Variants in GALNTL6 observed in about 807,000 individuals in gnomAD.
The protein encoded by GALNTL6 is polypeptide N-acetylgalactosaminyltransferase like 6, also known as polypeptide N-acetylgalactosaminyltransferase-like 6.
Under a neutral mutation model 73.7 loss-of-function variants are expected in GALNTL6, and 46 were observed. The observed-to-expected ratio is 0.62, with a 90% confidence interval of 0.49 to 0.80. GALNTL6 has a LOEUF of 0.80. Ranked by LOEUF, GALNTL6 falls within the 30% of genes least tolerant of loss-of-function variation. The pLI is 0.00. For synonymous variants in GALNTL6, 259 were observed against 263.7 expected (o/e 0.98, Z 0.17); for missense variants, 604 against 755.0 (o/e 0.80, Z 2.34).
rs1010801305 is a variant in GALNTL6 at position 172,345,095 on chromosome 4, T to A, written c.387-3428T>A. The stretch of plus-strand genomic sequence containing the variant: ...CTTAGCACATTATGAAGAGGTATTG[T>A]TTTTTTTTTTTTTTGCTCCCACATT... On this transcript the variant is annotated intron_variant, in intron 4 of 12. Coordinates refer to ENST00000506823, the MANE Select transcript of GALNTL6 (RefSeq NM_001034845.3). 5.9e-5 allele frequency among the ~76,000 whole-genome samples: 3 copies of A among 50,520 alleles called. No individual in the cohort carries two copies. The African/African-American group carries it at 8.8e-4, about 15-fold the overall frequency. The allele number at this position is 50,520 out of a possible 152,430, so 33.1% of individuals were successfully genotyped here.
intron 5 of GALNTL6, among the ~76,000 whole-genome samples, chr4:172,460,117 G>T (rs1732558361): frequency 6.6e-6 from 1 of 152,170 alleles, no homozygotes; most frequent in African/African-American, 2.4e-5. Flanking sequence ...CAAGCAATGG[G>T]TTAAGGATTC....
At chr4:172,159,399 C>A (rs1333654487) in intron 2 of GALNTL6, among the ~76,000 whole-genome samples, 1 of 152,070 alleles carries the variant, frequency 6.6e-6, no homozygotes, top group Non-Finnish European at 1.5e-5. Context: ...CACACAATTA[C>A]AAAGATGTAT....
intron 5 of GALNTL6, among the ~76,000 whole-genome samples, chr4:172,442,100 T>C (rs1347380345): frequency 2.0e-5 from 3 of 152,178 alleles, no homozygotes; most frequent in African/African-American, 7.2e-5. Flanking sequence ...CAAGGTTATG[T>C]GTTCATCAGT....
At chr4:172,138,621 C>T (rs756899949) in intron 2 of GALNTL6, among the ~76,000 whole-genome samples, 2 of 141,684 alleles carry the variant, frequency 1.4e-5, no homozygotes, top group Non-Finnish European at 3.0e-5. Flanking sequence ...GCTCCACCTC[C>T]CGGGTTCACG....
In GALNTL6 at chr4:171,919,735, G is replaced by A. The variant is rs563601870; in HGVS notation, c.138+105017G>A. On this transcript the variant is annotated intron_variant, in intron 2 of 12. Transcript: ENST00000506823. ...AGAAGTAGTTATTACTCTTGGTAGG[G>A]CGCTCAGCAGAGAAGCAACCACCTC... Among the ~76,000 whole-genome samples the A allele has an allele frequency of 3.3e-5, 5 of 152,140 alleles. No individual in the cohort carries two copies. The South Asian group carries it at 1.0e-3, about 32-fold the overall frequency.
chr4:171,907,818 C>T (rs1310932101), intron 2 of GALNTL6, among the ~76,000 whole-genome samples: 1 of 151,716 alleles, frequency 6.6e-6, no homozygotes, highest in Non-Finnish European at 1.5e-5. Flanking sequence ...TGGAACAGAA[C>T]AGAGCCCTCA....
At chr4:172,261,120 T>C (rs1171997302) in intron 3 of GALNTL6, among the ~76,000 whole-genome samples, 1 of 151,460 alleles carries the variant, frequency 6.6e-6, no homozygotes, top group Non-Finnish European at 1.5e-5. Flanking sequence ...ACTTGCTTCA[T>C]ATAATGAATT....
chr4:172,192,773 G>C (rs75416503), intron 2 of GALNTL6, among the ~76,000 whole-genome samples: 64 of 152,282 alleles, frequency 4.2e-4, no homozygotes, highest in African/African-American at 1.1e-3. Flanking sequence ...GCAACCAGCG[G>C]CAGCAGGCTG....
intron 5 of GALNTL6, among the ~76,000 whole-genome samples, chr4:172,736,804 C>A (rs1444728617): frequency 6.6e-6 from 1 of 152,208 alleles, no homozygotes; most frequent in Non-Finnish European, 1.5e-5. Flanking sequence ...GCTGGTCCCT[C>A]CATTCGGGGT....
intron 2 of GALNTL6, among the ~76,000 whole-genome samples, chr4:171,918,436 G>A (rs1337351050): frequency 1.3e-5 from 2 of 151,966 alleles, no homozygotes; most frequent in African/African-American, 2.4e-5. Flanking sequence ...ATCTCATAAC[G>A]CAAAAGAGTA....
At chr4:171,853,816 T>G (rs975349762) in intron 2 of GALNTL6, among the ~76,000 whole-genome samples, 15 of 151,962 alleles carry the variant, frequency 9.9e-5, no homozygotes, top group African/African-American at 3.6e-4. Context: ...TTCACCATGT[T>G]GGCCAGGCTG....
intron 5 of GALNTL6, among the ~76,000 whole-genome samples, chr4:172,531,500 G>T (rs1056596189): frequency 6.6e-6 from 1 of 152,206 alleles, no homozygotes; most frequent in Non-Finnish European, 1.5e-5. Flanking sequence ...TCAGCTGCTG[G>T]ATTGATTCAC....
At chr4:172,945,091 TA>T (rs1201726960) in intron 9 of GALNTL6, among the ~76,000 whole-genome samples, 1 of 149,212 alleles carries the variant, frequency 6.7e-6, no homozygotes, top group Admixed American at 6.7e-5. Flanking sequence ...AAGAATACTA[TA>T]AGAATGAATA....
intron 5 of GALNTL6, among the ~76,000 whole-genome samples, chr4:172,522,665 T>A (rs77757561): frequency 3.4e-5 from 2 of 59,380 alleles, no homozygotes; most frequent in African/African-American, 1.5e-4. Flanking sequence ...TGAAACTCAG[T>A]CCCCCCCCCC....
At chr4:172,977,929 T>C (rs981930288) in intron 10 of GALNTL6, among the ~76,000 whole-genome samples, 1 of 152,146 alleles carries the variant, frequency 6.6e-6, no homozygotes, top group African/African-American at 2.4e-5. Context: ...AGCCTCTGCC[T>C]CCTGGGTCCA....
At chr4:172,577,935 A>G (rs1451984590) in intron 5 of GALNTL6, among the ~76,000 whole-genome samples, 1 of 152,134 alleles carries the variant, frequency 6.6e-6, no homozygotes, top group African/African-American at 2.4e-5. Context: ...CAGGCAATAC[A>G]CTGTTTTCTT....
At chr4:172,800,466 T>C (rs1023364623) in intron 5 of GALNTL6, among the ~76,000 whole-genome samples, 7 of 152,166 alleles carry the variant, frequency 4.6e-5, no homozygotes, top group Admixed American at 1.3e-4. Flanking sequence ...GAGTAAAGCC[T>C]TAATAGTATC....
At chr4:172,367,074 C>A (rs1375113886) in intron 5 of GALNTL6, among the ~76,000 whole-genome samples, 1 of 152,072 alleles carries the variant, frequency 6.6e-6, no homozygotes, top group Non-Finnish European at 1.5e-5. Context: ...TGGTGGTCCC[C>A]AAACCTGTGA....
rs142216005 is a variant in GALNTL6, at chr4:172,330,261, T to C, written c.387-18262T>C. On this transcript the variant is annotated intron_variant, in intron 4 of 12. Coordinates refer to ENST00000506823, the MANE Select transcript of GALNTL6 (RefSeq NM_001034845.3). ...GCGGCCACTAAGCCAAGACTCCATG[T>C]AGCTCTGGGTGTCAGACTGCAGGTC... 2.4e-3 allele frequency among the ~76,000 whole-genome samples: 367 copies of C among 152,328 alleles called. 2 individuals are homozygous for C. Among genetic ancestry groups the C allele is most frequent in the African/African-American group, 8.1e-3 (338 of 41,578 alleles).
Sources: gnomAD v4.1 joint callset for allele counts (sites outside exome capture counted in the v4.1 genomes callset) on GRCh38, gnomAD v4.1.1 for gene constraint, MANE v1.5 for transcripts, NCBI Gene and HGNC (gene_info 2026-07-23, HGNC 2026-07-21) for gene names.